The following XKR4 variants were observed in gnomAD, a reference collection of about 807,000 sequenced individuals.
XKR4 encodes the protein XK related 4.
In XKR4, 12 loss-of-function variants were observed where a neutral mutation model predicts 53.9. The observed-to-expected ratio is 0.22, with a 90% CI of 0.14 to 0.36. XKR4 has a LOEUF of 0.36. Among genes scored for constraint, XKR4 ranks in the 10% least tolerant of loss-of-function variants. XKR4 has a pLI of 1.00. For synonymous variants in XKR4, 354 were observed against 362.4 expected (o/e 0.98, Z 0.26); for missense variants, 799 against 859.5 (o/e 0.93, Z 0.88).
chr8:55,243,960 C>T (rs775747136), intron 1 of XKR4, among the ~76,000 whole-genome samples: 30 of 152,298 alleles, frequency 2.0e-4, no homozygotes, highest in Admixed American at 3.3e-4. Context: ...ATTCTATGTG[C>T]GTGTGCATGC....
At chr8:55,301,058 A>G (rs1190014248) in intron 1 of XKR4, among the ~76,000 whole-genome samples, 1 of 151,852 alleles carries the variant, frequency 6.6e-6, no homozygotes, top group Admixed American at 6.6e-5. Context: ...GGTTTGTTAC[A>G]TATGTATACA....
chr8:55,413,581 T>C (rs566100576), intron 2 of XKR4, among the ~76,000 whole-genome samples: 13 of 152,372 alleles, frequency 8.5e-5, no homozygotes, highest in Admixed American at 7.8e-4. Context: ...TACTTCCTTT[T>C]TCGTGGCAGC....
intron 1 of XKR4, among the ~76,000 whole-genome samples, chr8:55,146,255 G>A (rs1016969616): frequency 4.6e-5 from 7 of 152,164 alleles, no homozygotes; most frequent in African/African-American, 1.4e-4. Context: ...TTCCTAAACC[G>A]CTGACATGAG....
At chr8:55,393,450 G>T (rs1466733255) in intron 2 of XKR4, among the ~76,000 whole-genome samples, 1 of 88,084 alleles carries the variant, frequency 1.1e-5, no homozygotes, top group East Asian at 3.5e-4. Context: ...AAGGAAGGAA[G>T]GAAGGAAGAA....
intron 1 of XKR4, among the ~76,000 whole-genome samples, chr8:55,158,726 G>C (rs916847941): frequency 6.6e-6 from 1 of 152,070 alleles, no homozygotes; most frequent in Admixed American, 6.6e-5. Flanking sequence ...TGGCTAGCCA[G>C]TTATTCCATT....
intron 2 of XKR4, among the ~76,000 whole-genome samples, chr8:55,466,434 A>G (rs1805770550): frequency 2.0e-5 from 3 of 151,970 alleles, no homozygotes; most frequent in South Asian, 4.2e-4. Context: ...GAATTGAACA[A>G]TGAGAACACA....
intron 1 of XKR4, among the ~76,000 whole-genome samples, chr8:55,277,648 G>A (rs1171672273): frequency 2.0e-5 from 3 of 152,032 alleles, no homozygotes; most frequent in South Asian, 2.1e-4. Flanking sequence ...TAGGTGTGTC[G>A]ATGCTCAAAA....
chr8:55,446,691 G>A (rs1442062825), intron 2 of XKR4, among the ~76,000 whole-genome samples: 1 of 152,128 alleles, frequency 6.6e-6, no homozygotes, highest in Non-Finnish European at 1.5e-5. Flanking sequence ...GTTCCATTGC[G>A]ACCAGCTTGC....
At chr8:55,238,580 C>A (rs1030820169) in intron 1 of XKR4, among the ~76,000 whole-genome samples, 2 of 152,166 alleles carry the variant, frequency 1.3e-5, no homozygotes, top group Non-Finnish European at 2.9e-5. Context: ...TGGAGTTACA[C>A]ATACCATTTT....
intron 1 of XKR4, among the ~76,000 whole-genome samples, chr8:55,248,135 G>T (rs188179003): frequency 1.3e-5 from 2 of 151,942 alleles, no homozygotes; most frequent in Non-Finnish European, 2.9e-5. Flanking sequence ...GATTACAGGC[G>T]TGAGCCACCA....
intron 1 of XKR4, among the ~76,000 whole-genome samples, chr8:55,308,783 C>T (rs896363112): frequency 3.9e-5 from 6 of 152,094 alleles, no homozygotes; most frequent in Non-Finnish European, 8.8e-5. Context: ...GAATAATGCC[C>T]CTCTCAAAGA....
intron 2 of XKR4, among the ~76,000 whole-genome samples, chr8:55,494,973 C>A (rs1806320771): frequency 6.6e-6 from 1 of 152,188 alleles, no homozygotes; most frequent in South Asian, 2.1e-4. Context: ...TGTCTGTCTC[C>A]TGCCACTGTT....
At chr8:55,312,356 C>T (rs1051208802) in intron 1 of XKR4, among the ~76,000 whole-genome samples, 10 of 152,058 alleles carry the variant, frequency 6.6e-5, no homozygotes, top group African/African-American at 2.2e-4. Flanking sequence ...TTTCAAGGTT[C>T]ATGGAATGAG....
chr8:55,466,899 A>G (rs1167697129), intron 2 of XKR4, among the ~76,000 whole-genome samples: 2 of 152,160 alleles, frequency 1.3e-5, no homozygotes, highest in Non-Finnish European at 2.9e-5. Context: ...AAGTTATTTG[A>G]TTAAAAAATT....
At chr8:55,416,032 T>C (rs1481894421) in intron 2 of XKR4, among the ~76,000 whole-genome samples, 2 of 152,140 alleles carry the variant, frequency 1.3e-5, no homozygotes, top group African/African-American at 2.4e-5. Context: ...GGAGTAAGTA[T>C]AGCACTAAGC....
intron 2 of XKR4, among the ~76,000 whole-genome samples, chr8:55,400,487 C>T (rs1804582879): frequency 6.6e-6 from 1 of 152,094 alleles, no homozygotes; most frequent in Non-Finnish European, 1.5e-5. Flanking sequence ...AACCCAAGTC[C>T]CTGCTGAATC....
chr8:55,185,475 A>G (rs1429433045), intron 1 of XKR4, among the ~76,000 whole-genome samples: 2 of 152,210 alleles, frequency 1.3e-5, no homozygotes, highest in African/African-American at 2.4e-5. Flanking sequence ...CCATAATTTG[A>G]ACGCTCTTTT....
At chr8:55,176,858 T>C (rs532357070) in intron 1 of XKR4, among the ~76,000 whole-genome samples, 5 of 152,168 alleles carry the variant, frequency 3.3e-5, no homozygotes, top group Admixed American at 6.5e-5. Flanking sequence ...TGATCAGTTA[T>C]CTTACTCCGT....
intron 2 of XKR4, among the ~76,000 whole-genome samples, chr8:55,510,080 T>C (rs1806604246): frequency 6.6e-6 from 1 of 152,122 alleles, no homozygotes; most frequent in Non-Finnish European, 1.5e-5. Flanking sequence ...GCAGGCAGAA[T>C]GGCCCCTGTG....
Sources: gnomAD v4.1 joint callset for allele counts (sites outside exome capture counted in the v4.1 genomes callset) on GRCh38, gnomAD v4.1.1 for gene constraint, MANE v1.5 for transcripts, NCBI Gene and HGNC (gene_info 2026-07-23, HGNC 2026-07-21) for gene names.